Variants in MNAT1 observed in about 807,000 individuals in gnomAD.
The protein encoded by MNAT1 is MNAT1 component of CDK activating kinase.
A neutral mutation model predicts 42.0 loss-of-function variants in MNAT1; 43 were observed. The observed-to-expected ratio is 1.02, with a 90% confidence interval of 0.80 to 1.32. The LOEUF (loss-of-function observed/expected upper bound fraction) is 1.32. Ranked by LOEUF, MNAT1 falls within the 40% of genes most tolerant of loss-of-function variation. MNAT1 has a pLI of 0.00. For synonymous variants in MNAT1, 118 were observed against 120.0 expected (o/e 0.98, Z 0.11); for missense variants, 306 against 350.4 (o/e 0.87, Z 1.01).
intron 1 of MNAT1, among the ~76,000 whole-genome samples, chr14:60,794,103 A>T (rs2031921360): frequency 6.6e-6 from 1 of 152,172 alleles, no homozygotes; most frequent in African/African-American, 2.4e-5. Flanking sequence ...AGACCTTGAG[A>T]TATATTAATG....
Position 60,921,241 on chromosome 14 carries a change from TTAAGAC to T in MNAT1, c.809+41407_809+41412del, listed in dbSNP as rs1353357168. 8.2e-4 allele frequency among the ~76,000 whole-genome samples: 125 copies of T among 152,326 alleles called. 1 individual carries two copies. Among genetic ancestry groups the T allele is most frequent in the African/African-American group, 2.9e-3 (122 of 41,588 alleles). The stretch of plus-strand genomic sequence containing the variant: ...AGGAGAATTCATACAATATAATGTA[TTAAGAC>T]ATGTTAGCGTTTTCTCTTGAGGTCT... On this transcript the variant is annotated intron_variant, in intron 7 of 7. Transcript: ENST00000261245.
chr14:60,864,796 G>A (rs751801250), intron 6 of MNAT1, among the ~76,000 whole-genome samples: 3 of 151,972 alleles, frequency 2.0e-5, no homozygotes, highest in Non-Finnish European at 4.4e-5. Context: ...TGGTGTTTGT[G>A]TGTATGTGCA....
chr14:60,856,649 C>T (rs901156883), intron 6 of MNAT1, among the ~76,000 whole-genome samples: 1 of 150,632 alleles, frequency 6.6e-6, no homozygotes, highest in Admixed American at 6.6e-5. Flanking sequence ...GCTAATGCAG[C>T]TGGTGACTTT....
intron 1 of MNAT1, among the ~76,000 whole-genome samples, chr14:60,776,879 C>A (rs1185701589): frequency 1.3e-5 from 2 of 152,116 alleles, no homozygotes; most frequent in Non-Finnish European, 2.9e-5. Context: ...CAGAGTCTCA[C>A]TCTCTTTGCC....
At chr14:60,756,100 A>T (rs1337563042) in intron 1 of MNAT1, among the ~76,000 whole-genome samples, 1 of 152,142 alleles carries the variant, frequency 6.6e-6, no homozygotes, top group African/African-American at 2.4e-5. Flanking sequence ...TTCTTTCATT[A>T]TGATGCTTAG....
At chr14:60,835,940 T>C (rs555288840) in intron 6 of MNAT1, among the ~76,000 whole-genome samples, 1 of 152,286 alleles carries the variant, frequency 6.6e-6, no homozygotes, top group Admixed American at 6.5e-5. Context: ...TCCTTTTCAT[T>C]ATTTTTTTCT....
intron 7 of MNAT1, among the ~76,000 whole-genome samples, chr14:60,926,134 C>T (rs983841812): frequency 2.0e-5 from 3 of 152,158 alleles, no homozygotes; most frequent in African/African-American, 4.8e-5. Flanking sequence ...CTCATTACCT[C>T]AGAAATCACC....
At chr14:60,895,050 C>CT (rs1350348051) in intron 7 of MNAT1, among the ~76,000 whole-genome samples, 1 of 152,108 alleles carries the variant, frequency 6.6e-6, no homozygotes, top group African/African-American at 2.4e-5. Context: ...TCTCTTCAGT[C>CT]TTCTACCTTG....
chr14:60,950,223 T>A (rs919840609), intron 7 of MNAT1, among the ~76,000 whole-genome samples: 2 of 152,186 alleles, frequency 1.3e-5, no homozygotes, highest in Non-Finnish European at 2.9e-5. Flanking sequence ...CCTGTTTGAA[T>A]TTTTTGTTTT....
rs115688379 is a variant in MNAT1 at position 60,737,214 on chromosome 14, C to T, written c.89+2263C>T. Reference sequence around the variant, plus strand: ...TATAAGCTATTAATAATAAAAGCAACGTAAGTTATTAAGTGAAAGGTAAAA... The same window carrying T: ...TATAAGCTATTAATAATAAAAGCAATGTAAGTTATTAAGTGAAAGGTAAAA... On this transcript the variant is annotated intron_variant, in intron 1 of 7. Transcript: ENST00000261245. Among the ~76,000 whole-genome samples, 715 of 152,068 alleles carry T rather than the reference C, an allele frequency of 4.7e-3. 9 individuals are homozygous for T. Among genetic ancestry groups the T allele is most frequent in the African/African-American group, 0.015 (636 of 41,512 alleles).
chr14:60,906,577 A>G (rs940689562), intron 7 of MNAT1, among the ~76,000 whole-genome samples: 4 of 152,166 alleles, frequency 2.6e-5, no homozygotes, highest in African/African-American at 9.7e-5. Context: ...GGATTGGTTA[A>G]GGGGGGTATG....
chr14:60,885,425 C>A (rs191301045), intron 7 of MNAT1, among the ~76,000 whole-genome samples: 2 of 151,900 alleles, frequency 1.3e-5, no homozygotes, highest in Admixed American at 6.6e-5. Flanking sequence ...TTTCAAATAG[C>A]TTATATTCAA....
chr14:60,867,783 C>T (rs900469366), intron 6 of MNAT1, among the ~76,000 whole-genome samples: 3 of 152,046 alleles, frequency 2.0e-5, no homozygotes, highest in Non-Finnish European at 2.9e-5. Context: ...TTAAATGTTG[C>T]ACCTCAGTTC....
chr14:60,938,990 T>C (rs2036073455), intron 7 of MNAT1, among the ~76,000 whole-genome samples: 1 of 152,224 alleles, frequency 6.6e-6, no homozygotes, highest in South Asian at 2.1e-4. Context: ...AATTTATCCA[T>C]TTCTTCTAGA....
intron 3 of MNAT1, among the ~76,000 whole-genome samples, chr14:60,805,504 A>G (rs997757279): frequency 7.9e-5 from 12 of 152,184 alleles, no homozygotes. Flanking sequence ...TGTATCTACC[A>G]TTATATCATA....
intron 7 of MNAT1, among the ~76,000 whole-genome samples, chr14:60,897,787 A>G (rs141497346): frequency 0.011 from 1,669 of 152,262 alleles, 11 homozygotes; most frequent in Middle Eastern, 0.02. Flanking sequence ...AATATATAAC[A>G]TATTGTTGCT....
intron 6 of MNAT1, among the ~76,000 whole-genome samples, chr14:60,854,765 G>A (rs2033913699): frequency 6.6e-6 from 1 of 152,228 alleles, no homozygotes; most frequent in Non-Finnish European, 1.5e-5. Context: ...CTCCCAGTCA[G>A]GAGGCACGGG....
At position 60,914,274 on chromosome 14, in the gene MNAT1, G is replaced by A. The variant is rs143714164; in HGVS notation, c.809+34439G>A. Among the ~76,000 whole-genome samples the A allele has an allele frequency of 1.2e-3, 183 of 152,310 alleles. 3 individuals are homozygous for A. In the East Asian group the frequency reaches 0.032, roughly 26 times the overall value. ...AATTCCCTGACCCCTTGCGCTTCCC[G>A]GGTGAGGCGATGCCTTGCCCTGCTT... is the stretch of plus-strand genomic sequence containing the variant. On this transcript the variant is annotated intron_variant, in intron 7 of 7. Coordinates refer to ENST00000261245, the MANE Select transcript of MNAT1 (RefSeq NM_002431.4).
chr14:60,734,811 G>T lies in MNAT1; in HGVS notation c.-52G>T, dbSNP rs1291496031. ...TGGTCGCGTCTGAGGGGGCTTGTAG[G>T]TGGCTCTGGCTGAAACAGGCGCCTG... On this transcript the variant is annotated 5_prime_UTR_variant, in exon 1 of 8. Coordinates refer to ENST00000261245, the MANE Select transcript of MNAT1 (RefSeq NM_002431.4). The surrounding 1 kb of genome is among the most constrained non-coding windows in gnomAD (Gnocchi z 4.3). The T allele has an allele frequency of 1.3e-6, 2 of 1,570,894 alleles. No homozygotes were observed. The highest frequency in any genetic ancestry group is 4.5e-5 in the East Asian group (2 of 44,652).
Sources: gnomAD v4.1 joint callset for allele counts (sites outside exome capture counted in the v4.1 genomes callset) on GRCh38, gnomAD v4.1.1 for gene constraint, Gnocchi (gnomAD v3.1) non-coding constraint, MANE v1.5 for transcripts, NCBI Gene and HGNC (gene_info 2026-07-23, HGNC 2026-07-21) for gene names.